RAB26: variants seen among roughly 807,000 people sequenced by gnomAD.
RAB26 encodes ras-related protein Rab-26.
Under a neutral mutation model 33.1 loss-of-function variants are expected in RAB26, and 39 were observed. The observed-to-expected ratio is 1.18, with a 90% CI of 0.91 to 1.54. The LOEUF (loss-of-function observed/expected upper bound fraction) is 1.54, where lower values mean the gene tolerates loss of function less well. Among genes scored for constraint, RAB26 ranks in the 40% most tolerant of loss-of-function variants. The probability of loss-of-function intolerance (pLI) is 0.00; values close to 1 mark genes in which losing one functional copy is unlikely to be tolerated. For missense variants in RAB26, 468 were observed against 362.9 expected (o/e 1.29, Z -2.35); for synonymous variants, 192 against 151.9 (o/e 1.26, Z -1.94).
Position 2,151,762 on chromosome 16 carries a change from G to A in RAB26, c.415+1G>A. Reference sequence around the variant, plus strand: ...CATGCCTACTACCGGGATGCTCATGGTGAGCCCCTGGGTACCTGGGCTGGT... The same window carrying A: ...CATGCCTACTACCGGGATGCTCATGATGAGCCCCTGGGTACCTGGGCTGGT... On this transcript the variant is annotated splice_donor_variant, in intron 4 of 8. Coordinates refer to ENST00000210187, the MANE Select transcript of RAB26 (RefSeq NM_014353.5). LOFTEE classifies it high-confidence loss of function. The A allele has an allele frequency of 1.2e-6, 2 of 1,613,978 alleles. No homozygotes were observed. Among genetic ancestry groups the A allele is most frequent in the Non-Finnish European group, 1.7e-6 (2 of 1,180,020 alleles).
In RAB26 at chr16:2,153,851, T is replaced by C. The variant is rs567907916; in HGVS notation, c.*430T>C. ...CTGGGACAGAAGGCTTCACTGCTAA[T>C]CACATCGTGCATCTGTGTGTCCTGG... On this transcript the variant is annotated 3_prime_UTR_variant, in exon 9 of 9. Coordinates refer to ENST00000210187, the MANE Select transcript of RAB26 (RefSeq NM_014353.5). 1.9e-4 allele frequency: 88 copies of C among 459,464 alleles called. No individual in the cohort carries two copies. The highest frequency in any genetic ancestry group is 3.4e-4 in the Non-Finnish European group (79 of 229,330). 28.5% of individuals were successfully genotyped at this position (459,464 alleles called of 1,614,324 possible).
intron 1 of RAB26, among the ~76,000 whole-genome samples, chr16:2,149,265 C>T (rs2092996474): frequency 6.6e-6 from 1 of 151,844 alleles, no homozygotes; most frequent in Non-Finnish European, 1.5e-5. Flanking sequence ...CTCACCATTT[C>T]CCGTATGCTG....
In RAB26 at chr16:2,153,064, GT is replaced by G; in HGVS notation, c.591+20del. On this transcript the variant is annotated intron_variant, in intron 7 of 8. Coordinates refer to ENST00000210187, the MANE Select transcript of RAB26 (RefSeq NM_014353.5). Reference sequence around the variant, plus strand: ...GGCCAAGGTGAGTCAGGGCAGGGGGGTGGTGAGGGGGTGCCCCTGGAGGCTG... The same window carrying G: ...GGCCAAGGTGAGTCAGGGCAGGGGGGGGTGAGGGGGTGCCCCTGGAGGCTG... 1 of 1,611,670 alleles carries G rather than the reference GT, an allele frequency of 6.2e-7. No individual in the cohort carries two copies. The highest frequency in any genetic ancestry group is 1.1e-5 in the South Asian group (1 of 91,034).
Position 2,153,324 on chromosome 16 carries a change from T to C in RAB26, c.674T>C (p.Leu225Ser), listed in dbSNP as rs1438405207. The C allele has an allele frequency of 3.1e-6, 5 of 1,613,366 alleles. No homozygotes were observed. The Admixed American group carries it at 8.3e-5, about 27-fold the overall frequency. The change falls in exon 9 of 9, where the codon TTG becomes TCG. Residue 225 changes from leucine (L) to serine (S), a missense_variant. Physicochemically the swap from Leu to Ser is moderately radical, Grantham distance 145. Coordinates refer to ENST00000210187, the MANE Select transcript of RAB26 (RefSeq NM_014353.5). The part of the protein sequence containing the change: ...DLAFTAIAKE[L>S]KQRSMKAPSE... ...TTGTCACCCCCACTCCGCAGGGAGT[T>C]GAAGCAGCGCTCCATGAAGGCTCCC... is the stretch of plus-strand genomic sequence containing the variant.
intron 2 of RAB26, chr16:2,150,983 T>TA (rs2093003031): frequency 9.1e-6 from 3 of 328,736 alleles, no homozygotes; most frequent in East Asian, 1.7e-4. Context: ...CTCCCTGCCT[T>TA]ACGTCTAATC....
chr16:2,151,096 C>G (rs1224307270), intron 2 of RAB26: 1 of 405,340 alleles, frequency 2.5e-6, no homozygotes, highest in Non-Finnish European at 5.0e-6. Flanking sequence ...ACAATCCCAG[C>G]AAGGAGTGGC....
Position 2,148,767 on chromosome 16 carries a change from C to A in RAB26, c.-17C>A. ...GCACGGCGGCTGCAGCGGGAGCACACTGAGCGCCCGCCCGCCATGTCCAGG... is the reference window on the plus strand; with the variant it reads ...GCACGGCGGCTGCAGCGGGAGCACAATGAGCGCCCGCCCGCCATGTCCAGG... On this transcript the variant is annotated 5_prime_UTR_variant, in exon 1 of 9. The change creates a new upstream start codon in the 5' untranslated region. Coordinates refer to ENST00000210187, the MANE Select transcript of RAB26 (RefSeq NM_014353.5). The A allele has an allele frequency of 7.7e-7, 1 of 1,304,500 alleles. No individual in the cohort carries two copies. Among genetic ancestry groups the A allele is most frequent in the Non-Finnish European group, 9.7e-7 (1 of 1,031,508 alleles). The allele number at this position is 1,304,500 out of a possible 1,614,324, so 80.8% of individuals were successfully genotyped here. A position where few individuals can be genotyped will look rare whatever the true frequency, so the allele number is the denominator to read the frequency against.
At chr16:2,149,192 C>G (rs531861745) in intron 1 of RAB26, among the ~76,000 whole-genome samples, 14 of 152,172 alleles carry the variant, frequency 9.2e-5, no homozygotes, top group African/African-American at 2.9e-4. Context: ...TGTCCCCCAC[C>G]CCCCAGGCGG....
chr16:2,148,649 T>TGCGGCC lies in RAB26; in HGVS notation c.-133_-132insGGCCGC. 2.6e-6 allele frequency: 1 copy of TGCGGCC among 388,416 alleles called. No homozygotes were observed. The highest frequency in any genetic ancestry group is 3.5e-6 in the Non-Finnish European group (1 of 282,134). 24.1% of individuals were successfully genotyped at this position (388,416 alleles called of 1,614,324 possible). On this transcript the variant is annotated 5_prime_UTR_variant, in exon 1 of 9. Coordinates refer to ENST00000210187, the MANE Select transcript of RAB26 (RefSeq NM_014353.5). ...GGCGCGAGCCGGGCGCCCGGGATGA[T>TGCGGCC]GCCGCCGCCGCCGCCGCCGCCGCCG...
Position 2,148,913 on chromosome 16 carries a change from G to T in RAB26, c.130G>T (p.Gly44Trp). Residue 44 changes from glycine to tryptophan, a missense_variant, in exon 1 of 9, where the codon GGG becomes TGG. Physicochemically the swap from Gly to Trp is radical, Grantham distance 184 (BLOSUM62 -2). Transcript: ENST00000210187. ...ALSGPDAPPNGPLQPGRPSLG... is the reference protein window; with the variant it reads ...ALSGPDAPPNWPLQPGRPSLG... ...TTCCGGCCCCGACGCGCCGCCCAAC[G>T]GGCCCTTGCAGCCCGGCCGGCCCTC... The T allele has an allele frequency of 7.6e-7, 1 of 1,316,610 alleles. No homozygotes were observed. The allele number at this position is 1,316,610 out of a possible 1,614,324, so 81.6% of individuals were successfully genotyped here.
In RAB26 at chr16:2,153,508, C is replaced by A; in HGVS notation, c.*87C>A. Reference sequence around the variant, plus strand: ...TCTCCAGGCCCTTCTGACTTTGTTGCCCAGTGGCCAACGCCCGAGTGTCTG... The same window carrying A: ...TCTCCAGGCCCTTCTGACTTTGTTGACCAGTGGCCAACGCCCGAGTGTCTG... On this transcript the variant is annotated 3_prime_UTR_variant, in exon 9 of 9. Transcript: ENST00000210187. The A allele has an allele frequency of 2.3e-6, 3 of 1,281,502 alleles. No individual in the cohort carries two copies. Among genetic ancestry groups the A allele is most frequent in the Non-Finnish European group, 3.3e-6 (3 of 906,186 alleles). 79.4% of individuals were successfully genotyped at this position (1,281,502 alleles called of 1,614,324 possible).
Position 2,148,918 on chromosome 16 carries a change from CT to C in RAB26, c.137del (p.Leu46CysfsTer52). On this transcript the variant is annotated frameshift_variant, in exon 1 of 9. Transcript: ENST00000210187. LOFTEE classifies it high-confidence loss of function. ...SGPDAPPNGP[L>X]QPGRPSLGGG... ...GCCCCGACGCGCCGCCCAACGGGCC[CT>C]TGCAGCCCGGCCGGCCCTCGCTTGG... 1 of 1,309,466 alleles carries C rather than the reference CT, an allele frequency of 7.6e-7. No individual in the cohort carries two copies. Among genetic ancestry groups the C allele is most frequent in the Non-Finnish European group, 9.7e-7 (1 of 1,027,536 alleles). The allele number at this position is 1,309,466 out of a possible 1,614,324, so 81.1% of individuals were successfully genotyped here. A position where few individuals can be genotyped will look rare whatever the true frequency, so the allele number is the denominator to read the frequency against.
chr16:2,150,923 G>A (rs953531951), intron 2 of RAB26, among the ~76,000 whole-genome samples: 8 of 151,794 alleles, frequency 5.3e-5, no homozygotes, highest in Admixed American at 2.0e-4. Flanking sequence ...CTCAGACTGC[G>A]GCTGAAGCCC....
intron 2 of RAB26, among the ~76,000 whole-genome samples, chr16:2,150,711 A>C (rs1438427105): frequency 2.0e-5 from 3 of 151,682 alleles, no homozygotes; most frequent in Non-Finnish European, 4.4e-5. Context: ...TCTGGTCCCC[A>C]CTTCCCCACC....
At position 2,148,839 on chromosome 16, in the gene RAB26, C is replaced by A; in HGVS notation, c.56C>A (p.Thr19Lys). Residue 19 changes from threonine to lysine, a missense_variant, in exon 1 of 9, where the codon ACG becomes AAG. Transcript: ENST00000210187. ...SKGASTPAAS[T>K]LPTANGARPA... ...GGGGCCAGCACCCCCGCTGCCTCCA[C>A]GCTGCCCACCGCCAACGGGGCCCGA... The A allele has an allele frequency of 7.1e-7, 1 of 1,412,758 alleles. No individual in the cohort carries two copies. Among genetic ancestry groups the A allele is most frequent in the Non-Finnish European group, 9.2e-7 (1 of 1,083,420 alleles). The allele number at this position is 1,412,758 out of a possible 1,614,324, so 87.5% of individuals were successfully genotyped here.
In RAB26 at chr16:2,151,583, C is replaced by A. The variant is rs200962346; in HGVS notation, c.321C>A (p.Asp107Glu). 12 of 1,613,916 alleles carry A rather than the reference C, an allele frequency of 7.4e-6. No individual in the cohort carries two copies. The East Asian group carries it at 2.7e-4, about 36-fold the overall frequency. ...VGIDFRNKVL[D>E]VDGVKVKLQM... ...GTCTGTTTCAGAACAAAGTTCTGGA[C>A]GTGGATGGTGTGAAGGTGAAGCTGC... The change falls in exon 3 of 9, where the codon GAC becomes GAA. Residue 107 changes from aspartate (D) to glutamate (E), a missense_variant. By Grantham distance (45) the Asp-to-Glu change is conservative. Transcript: ENST00000210187.
chr16:2,153,225 A>G lies in RAB26; in HGVS notation c.668+3A>G, dbSNP rs756865696. 2.0e-5 allele frequency: 32 copies of G among 1,613,636 alleles called. No individual in the cohort carries two copies. The highest frequency in any genetic ancestry group is 2.7e-5 in the Non-Finnish European group (32 of 1,180,006). ...TTGGCCTTCACAGCCATAGCAAAGT[A>G]AGTCCTGCCAGTCACCAGGACTCCC... On this transcript the variant is annotated splice_donor_region_variant and intron_variant, in intron 8 of 8. Transcript: ENST00000210187.
rs775660402 is a variant in RAB26 at position 2,151,842 on chromosome 16, C to A, written c.416-14C>A. On this transcript the variant is annotated splice_polypyrimidine_tract_variant and intron_variant, in intron 4 of 8. Coordinates refer to ENST00000210187, the MANE Select transcript of RAB26 (RefSeq NM_014353.5). ...CAGGTGATGGTGGATGTCCTCACTG[C>A]CCTCTGTCCCCAGCTCTGCTGCTGC... 3 of 1,613,962 alleles carry A rather than the reference C, an allele frequency of 1.9e-6. No homozygotes were observed. The highest frequency in any genetic ancestry group is 1.7e-6 in the Non-Finnish European group (2 of 1,180,038).
chr16:2,153,221 A>G lies in RAB26; in HGVS notation c.667A>G (p.Lys223Glu). The change falls in exon 8 of 9, where the codon AAG (lysine) becomes GAG (glutamate). Residue 223 changes from lysine to glutamate, a missense_variant and splice_region_variant. Transcript: ENST00000210187. ...GGACTTGGCCTTCACAGCCATAGCA[A>G]AGTAAGTCCTGCCAGTCACCAGGAC... ...NVDLAFTAIA[K>E]ELKQRSMKAP... 6.2e-7 allele frequency: 1 copy of G among 1,613,802 alleles called. No homozygotes were observed. The highest frequency in any genetic ancestry group is 8.5e-7 in the Non-Finnish European group (1 of 1,179,994).
Sources: allele counts gnomAD v4.1 joint callset (sites outside exome capture counted in the v4.1 genomes callset), GRCh38; gene constraint gnomAD v4.1.1; transcripts MANE v1.5; gene names NCBI Gene and HGNC (gene_info 2026-07-23, HGNC 2026-07-21).